The following ARHGEF17 variants were observed in gnomAD, a reference collection of about 807,000 sequenced individuals.
The protein encoded by ARHGEF17 is Rho guanine nucleotide exchange factor 17, also known as 164 kDa Rho-specific guanine-nucleotide exchange factor.
In ARHGEF17, 80 loss-of-function variants were observed where a neutral mutation model predicts 174.0. The observed-to-expected ratio is 0.46, with a 90% CI of 0.38 to 0.55. The LOEUF (loss-of-function observed/expected upper bound fraction) is 0.55, where lower values mean the gene tolerates loss of function less well. ARHGEF17 is among the 20% of genes least tolerant of loss of function. The pLI is 0.00. For synonymous variants in ARHGEF17, 1,311 were observed against 1,189.1 expected, an observed-to-expected ratio of 1.10 and a Z score of -2.11; for missense variants, 2,886 against 2,839.7, an observed-to-expected ratio of 1.02 and a Z score of -0.37.
At position 73,364,260 on chromosome 11, in the gene ARHGEF17, A is replaced by G. The variant is rs372477346; in HGVS notation, c.5401+21A>G. 5 of 1,613,408 alleles carry G rather than the reference A, an allele frequency of 3.1e-6. No homozygotes were observed. In the African/African-American group the frequency reaches 6.7e-5, roughly 22 times the overall value. Reference sequence around the variant, plus strand: ...AGCAGGTGAGTATCTGCCCTCCCCCACACCCTGCCCCTGTCCCCTTACTGG... The same window carrying G: ...AGCAGGTGAGTATCTGCCCTCCCCCGCACCCTGCCCCTGTCCCCTTACTGG... On this transcript the variant is annotated intron_variant, in intron 17 of 20. Coordinates refer to ENST00000263674, the MANE Select transcript of ARHGEF17 (RefSeq NM_014786.4).
At position 73,369,237 on chromosome 11, in the gene ARHGEF17, G is replaced by A. The variant is rs1022409613; in HGVS notation, c.*1457G>A. ...GACGGCGAGGTTGCCACGATTTGCT[G>A]TGTTACCTGGGCAGGTGGCTGGGCT... On this transcript the variant is annotated 3_prime_UTR_variant, in exon 21 of 21. Coordinates refer to ENST00000263674, the MANE Select transcript of ARHGEF17 (RefSeq NM_014786.4). The A allele has an allele frequency of 1.3e-5, 2 of 152,326 alleles. No homozygotes were observed. Among genetic ancestry groups the A allele is most frequent in the Non-Finnish European group, 2.9e-5 (2 of 68,100 alleles). The allele number at this position is 152,326 out of a possible 1,614,324, so 9.4% of individuals were successfully genotyped here.
chr11:73,358,452 TC>T (rs1797672048), intron 9 of ARHGEF17, among the ~76,000 whole-genome samples: 1 of 129,276 alleles, frequency 7.7e-6, no homozygotes, highest in South Asian at 2.4e-4. Context: ...AAGGTCCGCC[TC>T]TTTTTTTTTT....
intron 1 of ARHGEF17, among the ~76,000 whole-genome samples, chr11:73,319,818 G>A (rs1864987337): frequency 6.6e-6 from 1 of 152,240 alleles, no homozygotes; most frequent in Non-Finnish European, 1.5e-5. Flanking sequence ...GTGAGGTCCA[G>A]AGGCAGGCAG....
intron 1 of ARHGEF17, among the ~76,000 whole-genome samples, chr11:73,333,580 T>C (rs1289385679): frequency 6.6e-6 from 1 of 152,202 alleles, no homozygotes. Flanking sequence ...TTGCCTGGTG[T>C]GATGGGAGGG....
At chr11:73,349,383 G>GGTAGGC (rs1306839830) in intron 2 of ARHGEF17, among the ~76,000 whole-genome samples, 1 of 152,184 alleles carries the variant, frequency 6.6e-6, no homozygotes, top group Non-Finnish European at 1.5e-5. Flanking sequence ...GGGAGGCTGA[G>GGTAGGC]GTAGGCGGAT....
Position 73,316,556 on chromosome 11 carries a change from G to A in ARHGEF17, c.3192+4726G>A, listed in dbSNP as rs146627654. 3.3e-5 allele frequency among the ~76,000 whole-genome samples: 5 copies of A among 152,362 alleles called. No individual in the cohort carries two copies. In the East Asian group the frequency reaches 9.6e-4, roughly 29 times the overall value. Reference sequence around the variant, plus strand: ...ATTTGAGCAGAAGCCTGGAGGAAGTGAGGGAGCAGGTCAGGTGGCTGAGGG... The same window carrying A: ...ATTTGAGCAGAAGCCTGGAGGAAGTAAGGGAGCAGGTCAGGTGGCTGAGGG... On this transcript the variant is annotated intron_variant, in intron 1 of 20. Transcript: ENST00000263674.
intron 1 of ARHGEF17, among the ~76,000 whole-genome samples, chr11:73,342,588 G>A (rs1865387424): frequency 6.6e-6 from 1 of 152,084 alleles, no homozygotes; most frequent in Middle Eastern, 3.2e-3. Flanking sequence ...CAGGCCTGAG[G>A]GCAGGTTTCC....
In ARHGEF17 at chr11:73,310,521, G is replaced by A. The variant is rs1247586148; in HGVS notation, c.1883G>A (p.Arg628Gln). ...CCTGACTGGGCAGGGGATGTGACCCGAGGGCAGCGGTCCCAGGAGGAGCTC... is the reference window on the plus strand; with the variant it reads ...CCTGACTGGGCAGGGGATGTGACCCAAGGGCAGCGGTCCCAGGAGGAGCTC... ...GSPDWAGDVTRGQRSQEELSG... is the reference protein window; with the variant it reads ...GSPDWAGDVTQGQRSQEELSG... Residue 628 changes from arginine to glutamine, a missense_variant, in exon 1 of 21, where the codon CGA becomes CAA. By Grantham distance (43) the Arg-to-Gln change is conservative. This residue lies in a region of ARHGEF17 where 1,728 missense variants were observed against 1,461.2 expected (regional missense o/e 1.18). Coordinates refer to ENST00000263674, the MANE Select transcript of ARHGEF17 (RefSeq NM_014786.4). The A allele has an allele frequency of 2.5e-6, 4 of 1,613,978 alleles. No homozygotes were observed. The South Asian group carries it at 3.3e-5, about 13-fold the overall frequency.
intron 12 of ARHGEF17, 129 bp from the exon 13 acceptor site, chr11:73,361,911 A>G: frequency 1.9e-6 from 2 of 1,037,554 alleles, no homozygotes; most frequent in African/African-American, 2.0e-5. Flanking sequence ...AGAAGGGTGT[A>G]TAGGGCATCC....
chr11:73,312,813 C>T (rs947012883), intron 1 of ARHGEF17, among the ~76,000 whole-genome samples: 6 of 152,020 alleles, frequency 3.9e-5, no homozygotes, highest in Admixed American at 2.0e-4. Context: ...AGATGCACCC[C>T]GTTTCTGCCA....
chr11:73,329,355 A>G lies in ARHGEF17; in HGVS notation c.3192+17525A>G, dbSNP rs66513468. On this transcript the variant is annotated intron_variant, in intron 1 of 20. Transcript: ENST00000263674. ...TATATATATATATATATATATATAT[A>G]TATATATATATATATATATTTTTTT... Among the ~76,000 whole-genome samples, 6 of 11,454 alleles carry G rather than the reference A, an allele frequency of 5.2e-4. 2 individuals are homozygous for G. The highest frequency in any genetic ancestry group is 1.8e-3 in the African/African-American group (4 of 2,240). The allele number at this position is 11,454 out of a possible 152,430, so 7.5% of individuals were successfully genotyped here. A position where few individuals can be genotyped will look rare whatever the true frequency, so the allele number is the denominator to read the frequency against.
In ARHGEF17 at chr11:73,359,781, G is replaced by A. The variant is rs1274631649; in HGVS notation, c.4088-53G>A. ...AGTGAGGGAAGGAGAGTCTGTCCCA[G>A]CCTGACCTTGTCTGTCTCTGTATCA... On this transcript the variant is annotated intron_variant, in intron 9 of 20. Transcript: ENST00000263674. The A allele has an allele frequency of 3.4e-6, 5 of 1,456,172 alleles. No individual in the cohort carries two copies. In the East Asian group the frequency reaches 7.2e-5, roughly 21 times the overall value. 90.2% of individuals were successfully genotyped at this position (1,456,172 alleles called of 1,614,324 possible). A position where few individuals can be genotyped will look rare whatever the true frequency, so the allele number is the denominator to read the frequency against.
At chr11:73,340,596 C>A (rs969761580) in intron 1 of ARHGEF17, among the ~76,000 whole-genome samples, 11 of 152,204 alleles carry the variant, frequency 7.2e-5, no homozygotes, top group African/African-American at 2.2e-4. Context: ...AAATCCTGAG[C>A]CACACACTGC....
Position 73,363,286 on chromosome 11 carries a change from C to T in ARHGEF17, c.5077C>T (p.Leu1693=). The T allele has an allele frequency of 6.2e-7, 1 of 1,611,730 alleles. No individual in the cohort carries two copies. Among genetic ancestry groups the T allele is most frequent in the South Asian group, 1.1e-5 (1 of 91,034 alleles). Residue 1693 remains leucine, a synonymous_variant, in exon 15 of 21, where the codon CTG becomes TTG. Transcript: ENST00000263674. ...GGAGCAGGAGCCAGGCTTCCTGCCA[C>T]TGTCTGGCTCCTTTGGGCCTGGTGG... is the stretch of plus-strand genomic sequence containing the variant. ...EEEQEPGFLP[L]SGSFGPGGPC...
Position 73,309,249 on chromosome 11 carries a change from A to T in ARHGEF17, c.611A>T (p.Gln204Leu), listed in dbSNP as rs1423006377. The change falls in exon 1 of 21, where the codon CAG becomes CTG. Residue 204 changes from glutamine to leucine, a missense_variant. Gln to Leu is a moderately radical substitution (Grantham distance 113, BLOSUM62 -2). This residue lies in a region of ARHGEF17 where 1,728 missense variants were observed against 1,461.2 expected (regional missense o/e 1.18). Transcript: ENST00000263674. The stretch of plus-strand genomic sequence containing the variant: ...AGGCTGCGCCGGCCGCAGCAGCAAC[A>T]GGAGCGGGCGCAGCGTCCAGCGGAT... ...EGRLRRPQQQ[Q>L]ERAQRPADGL... 2.5e-6 allele frequency: 4 copies of T among 1,606,950 alleles called. No individual in the cohort carries two copies. Among genetic ancestry groups the T allele is most frequent in the Non-Finnish European group, 2.5e-6 (3 of 1,177,086 alleles).
intron 9 of ARHGEF17, among the ~76,000 whole-genome samples, chr11:73,358,493 C>CT (rs1555006153): frequency 7.1e-6 from 1 of 140,346 alleles, no homozygotes; most frequent in Non-Finnish European, 1.5e-5. Flanking sequence ...GAGTCTCACT[C>CT]TGTTGCCAAG....
intron 1 of ARHGEF17, among the ~76,000 whole-genome samples, chr11:73,324,204 T>C (rs1178902651): frequency 6.6e-6 from 1 of 152,208 alleles, no homozygotes; most frequent in East Asian, 1.9e-4. Flanking sequence ...AACAGACCTC[T>C]AAGGCTCTGG....
In ARHGEF17 at chr11:73,308,431, G is replaced by C. The variant is rs960100131; in HGVS notation, c.-208G>C. 2.2e-6 allele frequency: 1 copy of C among 455,752 alleles called. No homozygotes were observed. Among genetic ancestry groups the C allele is most frequent in the Non-Finnish European group, 3.7e-6 (1 of 272,344 alleles). 28.2% of individuals were successfully genotyped at this position (455,752 alleles called of 1,614,324 possible). A position where few individuals can be genotyped will look rare whatever the true frequency, so the allele number is the denominator to read the frequency against. ...CCTGGGGGTCGGCGCTGAGGCGGGA[G>C]GGGCCGCCCGGGATGGAGACGTTGC... On this transcript the variant is annotated 5_prime_UTR_variant, in exon 1 of 21. Transcript: ENST00000263674.
Position 73,310,096 on chromosome 11 carries a change from G to A in ARHGEF17, c.1458G>A (p.Arg486=), listed in dbSNP as rs995797748. 4 of 1,614,028 alleles carry A rather than the reference G, an allele frequency of 2.5e-6. No individual in the cohort carries two copies. Among genetic ancestry groups the A allele is most frequent in the African/African-American group, 1.3e-5 (1 of 74,916 alleles). The change falls in exon 1 of 21, where the codon AGG becomes AGA. Residue 486 remains arginine (R), a synonymous_variant. Transcript: ENST00000263674. ...TGCGCTCAGACCTTTCAGAGCTGAGGGTCCGAAAACCTGGTGGGAGCTCCG... is the reference window on the plus strand; with the variant it reads ...TGCGCTCAGACCTTTCAGAGCTGAGAGTCCGAAAACCTGGTGGGAGCTCCG... ...SFLRSDLSEL[R]VRKPGGSSGD...
Sources: allele counts gnomAD v4.1 joint callset (sites outside exome capture counted in the v4.1 genomes callset), GRCh38; gene constraint gnomAD v4.1.1; regional missense constraint gnomAD v4.1.1; transcripts MANE v1.5; gene names NCBI Gene and HGNC (gene_info 2026-07-23, HGNC 2026-07-21).